The following NFIB variants were observed in gnomAD, a reference collection of about 807,000 sequenced individuals.
The protein encoded by NFIB is nuclear factor I B.
NFIB carries 11 observed loss-of-function variants against 61.5 expected under a neutral mutation model. The ratio of observed to expected loss-of-function variants is 0.18; its 90% CI spans 0.11 to 0.30. The LOEUF (loss-of-function observed/expected upper bound fraction) is 0.30, where lower values mean the gene tolerates loss of function less well. NFIB is among the 10% of genes least tolerant of loss of function. NFIB has a pLI of 1.00. For synonymous variants in NFIB, 260 were observed against 216.5 expected (o/e 1.20, Z -1.76); for missense variants, 471 against 608.9 (o/e 0.77, Z 2.38).
rs769423266 is a variant in NFIB at position 14,146,689 on chromosome 9, C to A, written c.925G>T (p.Asp309Tyr). Reference protein sequence around the residue: ...GSRTWHERDQDMSSPTTMKKP... With the variant: ...GSRTWHERDQYMSSPTTMKKP... ...CTAGAGGCATCTCCTTATTACTCAC[C>A]TTGATCTCTTTCGTGCCATGTTCGA... The change falls in exon 6 of 11, where the codon GAT (aspartate) becomes TAT (tyrosine). Residue 309 changes from aspartate (D) to tyrosine (Y), a missense_variant and splice_region_variant. Physicochemically the swap from Asp to Tyr is radical, Grantham distance 160. This residue lies in a region of NFIB where 372 missense variants were observed against 395.6 expected (regional missense o/e 0.94). Coordinates refer to ENST00000380953, the MANE Select transcript of NFIB (RefSeq NM_001190737.2). The A allele has an allele frequency of 6.2e-7, 1 of 1,612,972 alleles. No individual in the cohort carries two copies. Among genetic ancestry groups the A allele is most frequent in the Non-Finnish European group, 8.5e-7 (1 of 1,179,406 alleles).
chr9:14,102,789 C>A (rs979825417), intron 10 of NFIB, among the ~76,000 whole-genome samples: 1 of 151,960 alleles, frequency 6.6e-6, no homozygotes, highest in Non-Finnish European at 1.5e-5. Flanking sequence ...TATTAGAGCA[C>A]AAATTGAGCT....
At chr9:14,088,771 T>C (rs1402191800) in intron 10 of NFIB, among the ~76,000 whole-genome samples, 1 of 152,172 alleles carries the variant, frequency 6.6e-6, no homozygotes, top group Non-Finnish European at 1.5e-5. Context: ...AGTGGTCAGA[T>C]GGGTTTCAAT....
chr9:14,297,366 G>A (rs932320018), intron 2 of NFIB, among the ~76,000 whole-genome samples: 6 of 152,172 alleles, frequency 3.9e-5, no homozygotes, highest in African/African-American at 1.4e-4. Flanking sequence ...TGAGGCCATG[G>A]ACTAAAATGA....
At chr9:14,466,016 G>T in the NFIB span, among the ~76,000 whole-genome samples, 1 of 152,172 alleles carries the variant, frequency 6.6e-6, no homozygotes, top group Non-Finnish European at 1.5e-5. Flanking sequence ...CGGCAGGACT[G>T]AGAGAGAGTC....
At chr9:14,473,255 T>C in the NFIB span, among the ~76,000 whole-genome samples, 7 of 152,198 alleles carry the variant, frequency 4.6e-5, no homozygotes, top group Non-Finnish European at 8.8e-5. Context: ...ATGTTATACA[T>C]ACAACCTTTT....
the NFIB span, among the ~76,000 whole-genome samples, chr9:14,450,256 G>A: frequency 6.6e-6 from 1 of 152,068 alleles, no homozygotes; most frequent in Admixed American, 6.5e-5. Flanking sequence ...TGCTAAGAAT[G>A]ATGGTTTCAT....
intron 1 of NFIB, among the ~76,000 whole-genome samples, chr9:14,332,997 A>C (rs886590861): frequency 6.6e-6 from 1 of 152,198 alleles, no homozygotes; most frequent in African/African-American, 2.4e-5. Context: ...TACAGCCTAC[A>C]GTCAATCAGG....
At chr9:14,464,214 G>C in the NFIB span, among the ~76,000 whole-genome samples, 1 of 152,184 alleles carries the variant, frequency 6.6e-6, no homozygotes, top group Non-Finnish European at 1.5e-5. Flanking sequence ...TTTATGAAAA[G>C]TTTTCATTTC....
chr9:14,347,221 C>T (rs1041103453), intron 1 of NFIB: 1 of 152,144 alleles, frequency 6.6e-6, no homozygotes, highest in African/African-American at 2.4e-5. Context: ...CCCGCAGTTC[C>T]CCGCCGAAAG....
the NFIB span, among the ~76,000 whole-genome samples, chr9:14,464,956 T>C: frequency 1.3e-5 from 2 of 152,202 alleles, no homozygotes; most frequent in South Asian, 2.1e-4. Flanking sequence ...TCAATAGATA[T>C]TATTATTATT....
chr9:14,438,590 G>T, the NFIB span, among the ~76,000 whole-genome samples: 1 of 152,226 alleles, frequency 6.6e-6, no homozygotes. Context: ...AGGGGTTGTT[G>T]GTTGGTGGTT....
At chr9:14,445,896 C>A in the NFIB span, among the ~76,000 whole-genome samples, 1 of 152,042 alleles carries the variant, frequency 6.6e-6, no homozygotes, top group African/African-American at 2.4e-5. Flanking sequence ...TTTCTTGATG[C>A]CTAAATAACA....
the NFIB span, among the ~76,000 whole-genome samples, chr9:14,449,358 T>A: frequency 3.1e-3 from 469 of 152,262 alleles, 2 homozygotes; most frequent in African/African-American, 0.011. Flanking sequence ...CTCCACATAT[T>A]CTGATTTAAT....
intron 2 of NFIB, among the ~76,000 whole-genome samples, chr9:14,253,986 G>A (rs992982547): frequency 7.9e-5 from 12 of 152,036 alleles, no homozygotes; most frequent in East Asian, 1.9e-4. Flanking sequence ...GACAAAACCC[G>A]TCTTTTAAAG....
the NFIB span, among the ~76,000 whole-genome samples, chr9:14,488,150 G>T: frequency 5.9e-5 from 9 of 152,204 alleles, no homozygotes; most frequent in South Asian, 1.9e-3. Flanking sequence ...GATTGCTTGA[G>T]TCCAGGAGTT....
At chr9:14,522,763 G>A in the NFIB span, among the ~76,000 whole-genome samples, 8 of 152,186 alleles carry the variant, frequency 5.3e-5, no homozygotes, top group South Asian at 2.1e-4. Flanking sequence ...ATTTCCTTCC[G>A]CATAATTTTC....
At chr9:14,229,173 T>A (rs1242786221) in intron 2 of NFIB, among the ~76,000 whole-genome samples, 1 of 152,224 alleles carries the variant, frequency 6.6e-6, no homozygotes, top group African/African-American at 2.4e-5. Context: ...CAACTTACTA[T>A]TGATTCGTGC....
At chr9:14,524,426 G>A in the NFIB span, among the ~76,000 whole-genome samples, 3 of 152,122 alleles carry the variant, frequency 2.0e-5, no homozygotes, top group East Asian at 1.9e-4. Context: ...TGTTCATCAT[G>A]TGACCAGCTA....
chr9:14,524,940 C>A, the NFIB span, among the ~76,000 whole-genome samples: 12 of 152,174 alleles, frequency 7.9e-5, no homozygotes, highest in Non-Finnish European at 1.8e-4. Flanking sequence ...CTCATTGGAG[C>A]CTCACAAGAG....
Sources: allele counts gnomAD v4.1 joint callset (sites outside exome capture counted in the v4.1 genomes callset), GRCh38; gene constraint gnomAD v4.1.1; regional missense constraint gnomAD v4.1.1; transcripts MANE v1.5; gene names NCBI Gene and HGNC (gene_info 2026-07-23, HGNC 2026-07-21).